Variants in TMCC1 observed in about 807,000 individuals in gnomAD.
TMCC1 encodes transmembrane and coiled-coil domains protein 1.
TMCC1 carries 15 observed loss-of-function variants against 52.4 expected under a neutral mutation model. The observed-to-expected ratio is 0.29, with a 90% CI of 0.19 to 0.44. The LOEUF (loss-of-function observed/expected upper bound fraction) is 0.44, where lower values mean the gene tolerates loss of function less well. Ranked by LOEUF, TMCC1 falls within the 20% of genes least tolerant of loss-of-function variation. TMCC1 has a pLI of 1.00. For missense variants in TMCC1, 503 were observed against 806.0 expected (o/e 0.62, Z 4.55); for synonymous variants, 279 against 301.9 (o/e 0.92, Z 0.79).
At chr3:129,709,678 T>A (rs2048517966) in intron 4 of TMCC1, among the ~76,000 whole-genome samples, 1 of 151,976 alleles carries the variant, frequency 6.6e-6, no homozygotes, top group East Asian at 1.9e-4. Flanking sequence ...TCTGTTTAGA[T>A]ACCATCTGAA....
intron 2 of TMCC1, among the ~76,000 whole-genome samples, chr3:129,842,784 C>A (rs982534203): frequency 1.1e-4 from 17 of 152,060 alleles, no homozygotes; most frequent in African/African-American, 3.4e-4. Flanking sequence ...AAACAATACA[C>A]TTCTAAATAA....
At chr3:129,764,763 A>G (rs199712069) in intron 4 of TMCC1, among the ~76,000 whole-genome samples, 25,475 of 44,398 alleles carry the variant, frequency 0.57, 7,124 homozygotes, top group Non-Finnish European at 0.64. Flanking sequence ...GTGTGTATAT[A>G]TATATATATA....
At chr3:129,890,697 T>A (rs2061927498) in intron 1 of TMCC1, among the ~76,000 whole-genome samples, 1 of 152,222 alleles carries the variant, frequency 6.6e-6, no homozygotes, top group Non-Finnish European at 1.5e-5. Flanking sequence ...TATTTCCTCT[T>A]GCTCTTTCCC....
chr3:129,780,127 TACTAA>T (rs2055402609), intron 4 of TMCC1, among the ~76,000 whole-genome samples: 1 of 152,136 alleles, frequency 6.6e-6, no homozygotes, highest in Non-Finnish European at 1.5e-5. Flanking sequence ...ACGTCCATCC[TACTAA>T]ACTAAAATTA....
intron 4 of TMCC1, among the ~76,000 whole-genome samples, chr3:129,791,348 C>T (rs1364594761): frequency 6.6e-6 from 1 of 152,080 alleles, no homozygotes; most frequent in Non-Finnish European, 1.5e-5. Context: ...CCACCTTGGC[C>T]TCCCAAAGTG....
intron 2 of TMCC1, among the ~76,000 whole-genome samples, chr3:129,855,056 T>C (rs892793064): frequency 1.2e-4 from 18 of 152,184 alleles, no homozygotes; most frequent in African/African-American, 4.3e-4. Flanking sequence ...TCACAAAACA[T>C]TCACCACTAG....
At chr3:129,845,680 G>A (rs1337142392) in intron 2 of TMCC1, among the ~76,000 whole-genome samples, 1 of 152,148 alleles carries the variant, frequency 6.6e-6, no homozygotes, top group Non-Finnish European at 1.5e-5. Context: ...TGATGTAGAA[G>A]TACCTGAGAA....
At chr3:129,830,363 C>A (rs984123220) in intron 3 of TMCC1, among the ~76,000 whole-genome samples, 5 of 152,092 alleles carry the variant, frequency 3.3e-5, no homozygotes, top group Admixed American at 6.5e-5. Flanking sequence ...GAAATAAACA[C>A]ATAATACAAT....
chr3:129,668,607 C>G (rs1302694435), intron 5 of TMCC1, among the ~76,000 whole-genome samples: 1 of 152,162 alleles, frequency 6.6e-6, no homozygotes, highest in Non-Finnish European at 1.5e-5. Context: ...ATACTGTCTT[C>G]TCAGTATACT....
chr3:129,808,832 G>A (rs1477316756), intron 4 of TMCC1, among the ~76,000 whole-genome samples: 1 of 144,438 alleles, frequency 6.9e-6, no homozygotes, highest in Admixed American at 7.0e-5. Context: ...GCATAAGCAT[G>A]TTATTTAGAA....
intron 4 of TMCC1, among the ~76,000 whole-genome samples, chr3:129,705,601 A>T: frequency 6.6e-6 from 1 of 150,588 alleles, no homozygotes. Flanking sequence ...ACCTATTTGA[A>T]ACACTTTTTT....
intron 4 of TMCC1, among the ~76,000 whole-genome samples, chr3:129,790,795 G>A (rs1026642968): frequency 6.6e-6 from 1 of 152,106 alleles, no homozygotes; most frequent in South Asian, 2.1e-4. Flanking sequence ...CTGCATGTAG[G>A]TAAGTTTCAA....
intron 2 of TMCC1, among the ~76,000 whole-genome samples, chr3:129,876,204 C>T (rs1193973565): frequency 6.7e-6 from 1 of 148,884 alleles, no homozygotes; most frequent in Non-Finnish European, 1.5e-5. Flanking sequence ...TTGATAATTG[C>T]TATGTTGAAC....
intron 4 of TMCC1, among the ~76,000 whole-genome samples, chr3:129,780,661 C>A (rs966102688): frequency 3.3e-5 from 5 of 152,108 alleles, no homozygotes; most frequent in African/African-American, 1.2e-4. Context: ...TTCCTCAATA[C>A]CCAGAGTCTT....
intron 4 of TMCC1, among the ~76,000 whole-genome samples, chr3:129,716,204 CCAGGTTGGAGTG>C (rs1176818547): frequency 2.7e-5 from 2 of 73,520 alleles, no homozygotes; most frequent in Non-Finnish European, 1.0e-4. Context: ...CTTTTGTTGC[CCAGGTTGGAGTG>C]CAATGGCACA....
rs1167857788 is a variant in TMCC1, at chr3:129,788,700, C to A, written c.576+39103G>T. 2.0e-5 allele frequency among the ~76,000 whole-genome samples: 3 copies of A among 151,912 alleles called. 1 individual carries two copies. The highest frequency in any genetic ancestry group is 1.3e-4 in the Admixed American group (2 of 15,250). On this transcript the variant is annotated intron_variant, in intron 4 of 6. Coordinates refer to ENST00000393238, the MANE Select transcript of TMCC1 (RefSeq NM_001017395.5). ...AGCCAGGATGGTCTCGATCTCCTGA[C>A]CTCGTGATCCGCCCGTCTTGGCCTT... is the stretch of plus-strand genomic sequence containing the variant.
chr3:129,709,642 T>C (rs1242883785), intron 4 of TMCC1, among the ~76,000 whole-genome samples: 1 of 151,944 alleles, frequency 6.6e-6, no homozygotes, highest in Non-Finnish European at 1.5e-5. Context: ...GTAGGTAAAA[T>C]AAAAATAACT....
intron 4 of TMCC1, among the ~76,000 whole-genome samples, chr3:129,718,648 T>C (rs1275620830): frequency 2.6e-5 from 4 of 152,230 alleles, no homozygotes; most frequent in Non-Finnish European, 5.9e-5. Flanking sequence ...TTGCCTGCCA[T>C]TTCATACAGA....
chr3:129,861,908 G>A (rs1002723175), intron 2 of TMCC1, among the ~76,000 whole-genome samples: 5 of 152,076 alleles, frequency 3.3e-5, no homozygotes, highest in African/African-American at 1.2e-4. Flanking sequence ...GTACATAAAC[G>A]TTCCTAACAG....
Sources: allele counts gnomAD v4.1 joint callset (sites outside exome capture counted in the v4.1 genomes callset), GRCh38; gene constraint gnomAD v4.1.1; transcripts MANE v1.5; gene names NCBI Gene and HGNC (gene_info 2026-07-23, HGNC 2026-07-21).